Variants in ODAD2 observed in about 807,000 individuals in gnomAD.
ODAD2 encodes outer dynein arm-docking complex subunit 2.
In ODAD2, 89 loss-of-function variants were observed where a neutral mutation model predicts 106.8. That is an observed-to-expected ratio of 0.83 (90% CI 0.70 to 0.99). The LOEUF (loss-of-function observed/expected upper bound fraction) is 0.99, where lower values mean the gene tolerates loss of function less well. ODAD2 is among the 50% of genes least tolerant of loss of function. The pLI is 0.00. For synonymous variants in ODAD2, 404 were observed against 436.2 expected, an observed-to-expected ratio of 0.93 and a Z score of 0.92; for missense variants, 1,168 against 1,238.5, an observed-to-expected ratio of 0.94 and a Z score of 0.85.
Position 27,918,403 on chromosome 10 carries a change from A to G in ODAD2, c.2496-10626T>C, listed in dbSNP as rs1054051037. 5.9e-5 allele frequency among the ~76,000 whole-genome samples: 9 copies of G among 151,550 alleles called. No individual in the cohort carries two copies. In the East Asian group the frequency reaches 7.7e-4, roughly 13 times the overall value. On this transcript the variant is annotated intron_variant, in intron 16 of 19. Coordinates refer to ENST00000305242, the MANE Select transcript of ODAD2 (RefSeq NM_018076.5). The stretch of plus-strand genomic sequence containing the variant: ...CATGGTGAGTCACTTTATTAATAGA[A>G]CAAAAGAAAAATCACCTTATTTATT...
intron 10 of ODAD2, among the ~76,000 whole-genome samples, chr10:27,958,324 T>C (rs1337076436): frequency 1.3e-5 from 2 of 152,184 alleles, no homozygotes; most frequent in Non-Finnish European, 2.9e-5. Flanking sequence ...TCCTAAATAG[T>C]TGAAAAAACT....
chr10:27,998,767 GC>G (rs1850709573), intron 1 of ODAD2, among the ~76,000 whole-genome samples: 1 of 152,264 alleles, frequency 6.6e-6, no homozygotes, highest in Admixed American at 6.5e-5. Context: ...CAGAACCCCT[GC>G]GGGGGTGAGC....
chr10:27,979,317 C>T (rs538210058), intron 7 of ODAD2, among the ~76,000 whole-genome samples: 1 of 150,828 alleles, frequency 6.6e-6, no homozygotes, highest in Admixed American at 6.6e-5. Flanking sequence ...GAAGTCCTAG[C>T]CACAGTAATT....
At chr10:27,991,369 G>A (rs1222856767) in intron 2 of ODAD2, among the ~76,000 whole-genome samples, 1 of 152,070 alleles carries the variant, frequency 6.6e-6, no homozygotes, top group Non-Finnish European at 1.5e-5. Context: ...ACAGGGCTAT[G>A]CCCATCTATT....
At chr10:27,836,177 C>T (rs2133059966) in intron 19 of ODAD2, 1 of 152,182 alleles carries the variant, frequency 6.6e-6, no homozygotes, top group East Asian at 1.9e-4. Flanking sequence ...ATATTCAGTA[C>T]ATATACACAG....
At chr10:27,895,487 C>A (rs1353473262) in intron 17 of ODAD2, among the ~76,000 whole-genome samples, 1 of 152,132 alleles carries the variant, frequency 6.6e-6, no homozygotes, top group African/African-American at 2.4e-5. Flanking sequence ...GGGGTTTTGC[C>A]ATGTTGGCCA....
chr10:27,850,039 C>T (rs746564548), intron 19 of ODAD2, among the ~76,000 whole-genome samples: 2 of 152,156 alleles, frequency 1.3e-5, no homozygotes, highest in African/African-American at 4.8e-5. Context: ...GGACACAGCA[C>T]TAAAGTGAAT....
At chr10:27,834,564 G>C (rs1000852922) in intron 19 of ODAD2, among the ~76,000 whole-genome samples, 1 of 152,110 alleles carries the variant, frequency 6.6e-6, no homozygotes, top group Non-Finnish European at 1.5e-5. Flanking sequence ...GACATCCAGG[G>C]GACTGTGCTA....
chr10:27,969,370 G>A lies in ODAD2; in HGVS notation c.1143-352C>T, dbSNP rs546242519. ...CTTCCCCACCCAACGTTGCAACAGG[G>A]CCTGCACCTGGTTTTCCAGGTATTC... On this transcript the variant is annotated intron_variant, in intron 8 of 19. Coordinates refer to ENST00000305242, the MANE Select transcript of ODAD2 (RefSeq NM_018076.5). 5.3e-5 allele frequency among the ~76,000 whole-genome samples: 8 copies of A among 152,356 alleles called. No homozygotes were observed. The East Asian group carries it at 1.5e-3, about 29-fold the overall frequency.
chr10:27,845,409 C>G (rs1022292166), intron 19 of ODAD2, among the ~76,000 whole-genome samples: 5 of 152,168 alleles, frequency 3.3e-5, no homozygotes, highest in Non-Finnish European at 7.3e-5. Flanking sequence ...CCTAAAAGAG[C>G]TCCTGAAGGA....
At chr10:27,966,414 C>G (rs987166732) in intron 9 of ODAD2, among the ~76,000 whole-genome samples, 5 of 152,206 alleles carry the variant, frequency 3.3e-5, no homozygotes, top group South Asian at 2.1e-4. Context: ...GAGTGAATTA[C>G]GTCTACCCAA....
intron 10 of ODAD2, among the ~76,000 whole-genome samples, chr10:27,951,005 C>T (rs988088855): frequency 6.6e-6 from 1 of 151,978 alleles, no homozygotes; most frequent in African/African-American, 2.4e-5. Flanking sequence ...GAAAAAAGTT[C>T]CCATGTCGGG....
chr10:27,819,433 A>G (rs1053013070), intron 19 of ODAD2, among the ~76,000 whole-genome samples: 25 of 152,238 alleles, frequency 1.6e-4, no homozygotes, highest in Admixed American at 1.4e-3. Flanking sequence ...TCTATCTTCG[A>G]GAGAGTAAAA....
Position 27,971,153 on chromosome 10 carries a change from C to T in ODAD2, c.1097G>A (p.Arg366Lys). Residue 366 changes from arginine to lysine, a missense_variant, in exon 8 of 20, where the codon AGA becomes AAA. Physicochemically the swap from Arg to Lys is conservative, Grantham distance 26. This residue lies in a region of ODAD2 where 430 missense variants were observed against 452.2 expected (regional missense o/e 0.95). Coordinates refer to ENST00000305242, the MANE Select transcript of ODAD2 (RefSeq NM_018076.5). ...INFWRNQMTK[R>K]WEPSLNWKTT... ...CTTCCAGTTTAAGCTTGGTTCCCAT[C>T]TCTTGGTCATTTGATTCCTCCAAAA... is the stretch of plus-strand genomic sequence containing the variant. The T allele has an allele frequency of 1.2e-6, 2 of 1,613,922 alleles. No homozygotes were observed. Among genetic ancestry groups the T allele is most frequent in the Non-Finnish European group, 1.7e-6 (2 of 1,179,906 alleles).
At chr10:27,814,332 T>C (rs1010136719) in intron 19 of ODAD2, among the ~76,000 whole-genome samples, 8 of 152,176 alleles carry the variant, frequency 5.3e-5, no homozygotes, top group Admixed American at 2.6e-4. Context: ...CGCAGGCCAT[T>C]TGAAGTCTCT....
chr10:27,882,346 G>A (rs905746624), intron 17 of ODAD2, among the ~76,000 whole-genome samples: 5 of 152,080 alleles, frequency 3.3e-5, no homozygotes, highest in African/African-American at 1.2e-4. Flanking sequence ...AGCCAGGGTA[G>A]AGGATTACCT....
intron 19 of ODAD2, among the ~76,000 whole-genome samples, chr10:27,817,397 T>C (rs1034540635): frequency 1.3e-5 from 2 of 152,226 alleles, no homozygotes; most frequent in African/African-American, 4.8e-5. Context: ...ATTTCTTACA[T>C]GCATATATTG....
rs745370054 is a variant in ODAD2, at chr10:27,987,371, G to A, written c.382+15C>T. On this transcript the variant is annotated intron_variant, in intron 3 of 19. Coordinates refer to ENST00000305242, the MANE Select transcript of ODAD2 (RefSeq NM_018076.5). ...TTCTAAAAGTTCAAATCACAGACTG[G>A]AGCATTAAGATCACCTTCAACACAT... The A allele has an allele frequency of 6.2e-7, 1 of 1,606,476 alleles. No individual in the cohort carries two copies. Among genetic ancestry groups the A allele is most frequent in the South Asian group, 1.1e-5 (1 of 89,278 alleles).
At chr10:27,952,878 A>C (rs1159929721) in intron 10 of ODAD2, among the ~76,000 whole-genome samples, 1 of 152,096 alleles carries the variant, frequency 6.6e-6, no homozygotes, top group African/African-American at 2.4e-5. Flanking sequence ...TACATAAACC[A>C]AGTTTGTTTT....
Sources: allele counts gnomAD v4.1 joint callset (sites outside exome capture counted in the v4.1 genomes callset), GRCh38; gene constraint gnomAD v4.1.1; regional missense constraint gnomAD v4.1.1; transcripts MANE v1.5; gene names NCBI Gene and HGNC (gene_info 2026-07-23, HGNC 2026-07-21).